Variants in MMAB observed in about 807,000 individuals in gnomAD.
The protein encoded by MMAB is corrinoid adenosyltransferase MMAB.
A neutral mutation model predicts 30.6 loss-of-function variants in MMAB; 17 were observed. That is an observed-to-expected ratio of 0.56 (90% CI 0.38 to 0.83). The LOEUF (loss-of-function observed/expected upper bound fraction) is 0.83, where lower values mean the gene tolerates loss of function less well. MMAB is among the 40% of genes least tolerant of loss of function. The probability of loss-of-function intolerance (pLI) is 0.00; values close to 1 mark genes in which losing one functional copy is unlikely to be tolerated. For synonymous variants in MMAB, 134 were observed against 138.6 expected, an observed-to-expected ratio of 0.97 and a Z score of 0.23; for missense variants, 311 against 331.6, an observed-to-expected ratio of 0.94 and a Z score of 0.48.
Position 109,573,488 on chromosome 12 carries a change from G to T in MMAB, c.-8C>A. The T allele has an allele frequency of 6.3e-7, 1 of 1,597,960 alleles. No homozygotes were observed. Among genetic ancestry groups the T allele is most frequent in the Non-Finnish European group, 8.5e-7 (1 of 1,176,506 alleles). ...CAGGCCGCACACAGCCATGAGCCAG[G>T]CTGCTTGACGGGACCTGACCCCGCC... On this transcript the variant is annotated 5_prime_UTR_variant, in exon 1 of 9. Transcript: ENST00000545712.
intron 1 of MMAB, chr12:109,573,124 T>C (rs981003269): frequency 9.7e-6 from 6 of 617,134 alleles, no homozygotes; most frequent in Non-Finnish European, 1.7e-5. Context: ...ACATGGGATA[T>C]GCCCTGCCCT....
Position 109,561,988 on chromosome 12 carries a change from ATG to A in MMAB, c.349-138_349-137del. 3 of 739,040 alleles carry A rather than the reference ATG, an allele frequency of 4.1e-6. No individual in the cohort carries two copies. The highest frequency in any genetic ancestry group is 7.0e-6 in the Non-Finnish European group (3 of 426,428). 45.8% of individuals were successfully genotyped at this position (739,040 alleles called of 1,614,324 possible). A position where few individuals can be genotyped will look rare whatever the true frequency, so the allele number is the denominator to read the frequency against. ...TGAAGGGCTGTGATATGGTTTGGCAATGTGTCCCCATCCAAATCTCATGTTAA... is the reference window on the plus strand; with the variant it reads ...TGAAGGGCTGTGATATGGTTTGGCAATGTCCCCATCCAAATCTCATGTTAA... On this transcript the variant is annotated intron_variant, in intron 4 of 8. Coordinates refer to ENST00000545712, the MANE Select transcript of MMAB (RefSeq NM_052845.4). The surrounding 1 kb of genome is among the most constrained non-coding windows in gnomAD (Gnocchi z 5.3).
In MMAB at chr12:109,568,831, G is replaced by A; in HGVS notation, c.229C>T (p.Pro77Ser). Residue 77 changes from proline to serine, a missense_variant, in exon 3 of 9, where the codon CCC (proline) becomes TCC (serine). Transcript: ENST00000545712. ...GCTTCAAACACTTGGTCATCTTTGGGTCTCCTTTCTCCTGTGAAGGTACTA... is the reference window on the plus strand; with the variant it reads ...GCTTCAAACACTTGGTCATCTTTGGATCTCCTTTCTCCTGTGAAGGTACTA... ...FSSTFTGERRPKDDQVFEAVG... is the reference protein window; with the variant it reads ...FSSTFTGERRSKDDQVFEAVG... 1 of 1,613,880 alleles carries A rather than the reference G, an allele frequency of 6.2e-7. No homozygotes were observed. Among genetic ancestry groups the A allele is most frequent in the Non-Finnish European group, 8.5e-7 (1 of 1,179,958 alleles).
At chr12:109,567,413 TC>T (rs1178473282) in intron 3 of MMAB, among the ~76,000 whole-genome samples, 1 of 152,104 alleles carries the variant, frequency 6.6e-6, no homozygotes, top group Non-Finnish European at 1.5e-5. Flanking sequence ...TCTGTCTGGC[TC>T]CCATGCACCT....
At chr12:109,565,249 A>G in intron 3 of MMAB, 73 bp from the exon 4 acceptor site, 1 of 1,150,810 alleles carries the variant, frequency 8.7e-7, no homozygotes, top group Non-Finnish European at 1.3e-6. Context: ...TAAACAATAG[A>G]TTCTCAGGTG....
rs750655720 is a variant in MMAB, at chr12:109,561,025, C to T, written c.584+15G>A. ...CCTCTCCCTTGGGCCCTCTCCCTCT[C>T]TCCAGCCCTCTTACCGTCTCTCGGC... On this transcript the variant is annotated intron_variant, in intron 7 of 8. Coordinates refer to ENST00000545712, the MANE Select transcript of MMAB (RefSeq NM_052845.4). This position sits in a 1 kb window ranked among gnomAD's most constrained non-coding sequence, Gnocchi z 5.3. 1.2e-4 allele frequency: 198 copies of T among 1,595,068 alleles called. No individual in the cohort carries two copies. The highest frequency in any genetic ancestry group is 2.0e-4 in the Admixed American group (12 of 59,722).
chr12:109,561,468 G>A lies in MMAB; in HGVS notation c.471C>T (p.Ile157=), dbSNP rs369581051. 27 of 1,550,510 alleles carry A rather than the reference G, an allele frequency of 1.7e-5. 1 individual carries two copies. The highest frequency in any genetic ancestry group is 4.8e-5 in the South Asian group (4 of 84,044). Residue 157 remains isoleucine (I), a synonymous_variant, in exon 6 of 9, where the codon ATC becomes ATT. Coordinates refer to ENST00000545712, the MANE Select transcript of MMAB (RefSeq NM_052845.4). The surrounding 1 kb of genome is among the most constrained non-coding windows in gnomAD (Gnocchi z 5.3). ...AGPILELEQW[I]DKYTSQLPPL... ...GTGGGAGCTGGCTGGTGTACTTGTC[G>A]ATCCACTGCTCCAGCTCCAGGATGG...
At position 109,557,005 on chromosome 12, in the gene MMAB, C is replaced by G. The variant is rs1168737146; in HGVS notation, c.*23G>C. On this transcript the variant is annotated 3_prime_UTR_variant, in exon 9 of 9. Coordinates refer to ENST00000545712, the MANE Select transcript of MMAB (RefSeq NM_052845.4). ...ACGGCCATCGCCATGGAGGGATCCT[C>G]CAAGCTCCCACTTTCTGTGATTTCA... is the stretch of plus-strand genomic sequence containing the variant. The G allele has an allele frequency of 3.3e-6, 5 of 1,515,672 alleles. No individual in the cohort carries two copies. In the African/African-American group the frequency reaches 5.5e-5, roughly 17 times the overall value. 93.9% of individuals were successfully genotyped at this position (1,515,672 alleles called of 1,614,324 possible).
chr12:109,558,275 C>T lies in MMAB; in HGVS notation c.644+821G>A, dbSNP rs1250214939. 6.6e-6 allele frequency among the ~76,000 whole-genome samples: 1 copy of T among 152,120 alleles called. No homozygotes were observed. Among genetic ancestry groups the T allele is most frequent in the Admixed American group, 6.5e-5 (1 of 15,270 alleles). On this transcript the variant is annotated intron_variant, in intron 8 of 8. Coordinates refer to ENST00000545712, the MANE Select transcript of MMAB (RefSeq NM_052845.4). This position sits in a 1 kb window ranked among gnomAD's most constrained non-coding sequence, Gnocchi z 4.3. ...CCTGTCCCGTGCAATGCTATGGGAC[C>T]GCAGGGTTGCTGCTTTGAAGGTGAA...
chr12:109,564,113 C>T (rs1337690816), intron 4 of MMAB, among the ~76,000 whole-genome samples: 3 of 152,218 alleles, frequency 2.0e-5, no homozygotes, highest in South Asian at 4.1e-4. Context: ...TTCTCAGCCT[C>T]GGTGCTATTG....
At chr12:109,563,517 G>A (rs920685942) in intron 4 of MMAB, among the ~76,000 whole-genome samples, 14 of 152,244 alleles carry the variant, frequency 9.2e-5, no homozygotes, top group Admixed American at 3.9e-4. Flanking sequence ...GGAGGTGGAT[G>A]GGTGAACAGG....
chr12:109,559,694 T>C (rs1479438047), intron 7 of MMAB, among the ~76,000 whole-genome samples: 1 of 152,226 alleles, frequency 6.6e-6, no homozygotes, highest in Non-Finnish European at 1.5e-5. Flanking sequence ...GGCCATCTGC[T>C]GGGCACCAGT....
rs188162983 is a variant in MMAB, at chr12:109,558,497, C to T, written c.644+599G>A. 6.6e-6 allele frequency among the ~76,000 whole-genome samples: 1 copy of T among 152,292 alleles called. No homozygotes were observed. Among genetic ancestry groups the T allele is most frequent in the Admixed American group, 6.5e-5 (1 of 15,308 alleles). On this transcript the variant is annotated intron_variant, in intron 8 of 8. Transcript: ENST00000545712. The surrounding 1 kb of genome is among the most constrained non-coding windows in gnomAD (Gnocchi z 4.3). Reference sequence around the variant, plus strand: ...TACCTGCCCCCAGGCTCTGGCCTTGCCCACACTGATGCCACAGAAGCCAGG... The same window carrying T: ...TACCTGCCCCCAGGCTCTGGCCTTGTCCACACTGATGCCACAGAAGCCAGG...
rs756081192 is a variant in MMAB, at chr12:109,573,371, G to A, written c.110C>T (p.Pro37Leu). The change falls in exon 1 of 9, where the codon CCT (proline) becomes CTT (leucine). Residue 37 changes from proline to leucine, a missense_variant. Pro to Leu is a moderately conservative substitution (Grantham distance 98, BLOSUM62 -3). Transcript: ENST00000545712. ...CCTGTCCCCGTCTTCCACGCCCTGA[G>A]GGCCGCGGCTCTGGAAACGGGGATA... ...LLYPRFQSRG[P>L]QGVEDGDRPQ... 1 of 1,613,104 alleles carries A rather than the reference G, an allele frequency of 6.2e-7. No homozygotes were observed. Among genetic ancestry groups the A allele is most frequent in the Non-Finnish European group, 8.5e-7 (1 of 1,179,884 alleles).
Position 109,573,397 on chromosome 12 carries a change from C to T in MMAB, c.84G>A (p.Leu28=), listed in dbSNP as rs747142605. 1 of 1,612,016 alleles carries T rather than the reference C, an allele frequency of 6.2e-7. No homozygotes were observed. Among genetic ancestry groups the T allele is most frequent in the Non-Finnish European group, 8.5e-7 (1 of 1,179,672 alleles). The change falls in exon 1 of 9, where the codon CTG becomes CTA. Residue 28 remains leucine (L), a synonymous_variant. Transcript: ENST00000545712. Reference sequence around the variant, plus strand: ...GGCCGCGGCTCTGGAAACGGGGATACAGGAGCCTGGCGGCGCCGAAGCACC... The same window carrying T: ...GGCCGCGGCTCTGGAAACGGGGATATAGGAGCCTGGCGGCGCCGAAGCACC... ...LRGCFGAARL[L]YPRFQSRGPQ...
intron 4 of MMAB, among the ~76,000 whole-genome samples, chr12:109,563,903 A>T (rs190921525): frequency 1.3e-5 from 2 of 152,318 alleles, no homozygotes; most frequent in East Asian, 3.9e-4. Context: ...GGAGGTGGAA[A>T]GTGCGGCACC....
chr12:109,557,066 T>G lies in MMAB; in HGVS notation c.715A>C (p.Met239Leu), dbSNP rs1422285746. 6.2e-7 allele frequency: 1 copy of G among 1,613,682 alleles called. No homozygotes were observed. Among genetic ancestry groups the G allele is most frequent in the Non-Finnish European group, 8.5e-7 (1 of 1,179,648 alleles). The part of the protein sequence containing the change: ...MKEGNQEKIY[M>L]KNDPSAESEG... ...GACTCGGCCGATGGGTCATTTTTCATGTATATTTTCTCTTGATTCCCCTCC... is the reference window on the plus strand; with the variant it reads ...GACTCGGCCGATGGGTCATTTTTCAGGTATATTTTCTCTTGATTCCCCTCC... The change falls in exon 9 of 9, where the codon ATG becomes CTG. Residue 239 changes from methionine (M) to leucine (L), a missense_variant. By Grantham distance (15) the Met-to-Leu change is conservative (BLOSUM62 2). Transcript: ENST00000545712.
rs573980387 is a variant in MMAB at position 109,554,824 on chromosome 12, C to G, written c.*2204G>C. The G allele has an allele frequency of 2.2e-6, 1 of 454,072 alleles. No individual in the cohort carries two copies. The highest frequency in any genetic ancestry group is 6.9e-5 in the East Asian group (1 of 14,404). 28.1% of individuals were successfully genotyped at this position (454,072 alleles called of 1,614,324 possible). ...TTTAAACACCCCATCCTTCCAGCCC[C>G]CAAAGCAAGCTTTCTCCATTTTTCC... On this transcript the variant is annotated 3_prime_UTR_variant, in exon 9 of 9. Coordinates refer to ENST00000545712, the MANE Select transcript of MMAB (RefSeq NM_052845.4).
intron 3 of MMAB, chr12:109,568,305 G>T (rs539066229): frequency 8.2e-4 from 159 of 194,540 alleles, no homozygotes; most frequent in Non-Finnish European, 1.4e-3. Flanking sequence ...GGTGTCATAA[G>T]TCAGGAGATT....
Sources: gnomAD v4.1 joint callset for allele counts (sites outside exome capture counted in the v4.1 genomes callset) on GRCh38, gnomAD v4.1.1 for gene constraint, Gnocchi (gnomAD v3.1) non-coding constraint, MANE v1.5 for transcripts, NCBI Gene and HGNC (gene_info 2026-07-23, HGNC 2026-07-21) for gene names.